Variants in ZFYVE28 observed in about 807,000 individuals in gnomAD.
ZFYVE28 encodes the protein lateral signaling target protein 2 homolog.
In ZFYVE28, 40 loss-of-function variants were observed where a neutral mutation model predicts 82.1. The ratio of observed to expected loss-of-function variants is 0.49; its 90% CI spans 0.38 to 0.63. The LOEUF (loss-of-function observed/expected upper bound fraction) is 0.63, where lower values mean the gene tolerates loss of function less well. Ranked by LOEUF, ZFYVE28 falls within the 30% of genes least tolerant of loss-of-function variation. The probability of loss-of-function intolerance (pLI) is 0.00; values close to 1 mark genes in which losing one functional copy is unlikely to be tolerated. For synonymous variants in ZFYVE28, 612 were observed against 546.1 expected (o/e 1.12, Z -1.68); for missense variants, 1,321 against 1,242.1 (o/e 1.06, Z -0.96).
rs141084761 is a variant in ZFYVE28, at chr4:2,383,194, C to T, written c.40-29121G>A. 2.8e-3 allele frequency among the ~76,000 whole-genome samples: 427 copies of T among 152,256 alleles called. 5 individuals carry two copies. The highest frequency in any genetic ancestry group is 9.7e-3 in the African/African-American group (403 of 41,532). On this transcript the variant is annotated intron_variant, in intron 1 of 12. Transcript: ENST00000290974. Reference sequence around the variant, plus strand: ...GAATTATAAGGTTTGGCTGTGTCTCCACCCAAATCTCATCTTGAATTGTAC... The same window carrying T: ...GAATTATAAGGTTTGGCTGTGTCTCTACCCAAATCTCATCTTGAATTGTAC...
intron 1 of ZFYVE28, among the ~76,000 whole-genome samples, chr4:2,389,203 G>A (rs905230602): frequency 6.6e-6 from 1 of 152,166 alleles, no homozygotes; most frequent in Admixed American, 6.5e-5. Context: ...CCCATGGCCA[G>A]TCAGGCCATC....
At chr4:2,337,293 G>A (rs1213476515) in intron 5 of ZFYVE28, 114 bp downstream of exon 5, 4 of 881,242 alleles carry the variant, frequency 4.5e-6, no homozygotes, top group Non-Finnish European at 6.8e-6. Context: ...CCTTCCATCT[G>A]GGGCACTCCC....
chr4:2,395,891 G>A (rs547808506), intron 1 of ZFYVE28, among the ~76,000 whole-genome samples: 4 of 152,288 alleles, frequency 2.6e-5, no homozygotes, highest in African/African-American at 4.8e-5. Flanking sequence ...GCGCCAGGGG[G>A]TTCCTTGTCA....
In ZFYVE28 at chr4:2,418,187, A is replaced by C. The variant is rs2108699695; in HGVS notation, c.39+98T>G. 2 of 1,199,982 alleles carry C rather than the reference A, an allele frequency of 1.7e-6. No individual in the cohort carries two copies. The highest frequency in any genetic ancestry group is 6.3e-5 in the East Asian group (2 of 31,588). The allele number at this position is 1,199,982 out of a possible 1,614,324, so 74.3% of individuals were successfully genotyped here. On this transcript the variant is annotated intron_variant, in intron 1 of 12. Coordinates refer to ENST00000290974, the MANE Select transcript of ZFYVE28 (RefSeq NM_020972.3). The surrounding 1 kb of genome is among the most constrained non-coding windows in gnomAD (Gnocchi z 4.6). ...CGGTGGGGGAAGAGGCCGGCCACGG[A>C]CAGGGAAAGGGAGTCCGTCTTGTAG...
intron 6 of ZFYVE28, chr4:2,324,927 C>A (rs1297834133): frequency 1.1e-5 from 2 of 188,358 alleles, no homozygotes; most frequent in Non-Finnish European, 1.1e-5. Flanking sequence ...TACCAACTTA[C>A]CAAGGCCATC....
intron 7 of ZFYVE28, among the ~76,000 whole-genome samples, chr4:2,312,875 T>C (rs1045777856): frequency 6.6e-6 from 1 of 151,850 alleles, no homozygotes; most frequent in Non-Finnish European, 1.5e-5. Flanking sequence ...TGAAACCCCG[T>C]TTCTACTAAA....
chr4:2,409,978 G>A lies in ZFYVE28; in HGVS notation c.39+8307C>T, dbSNP rs950619439. ...CAAAGCCCCCAAGTCAGCTGCCTACGCAGAAAGCCAAACTCAGGAACCATG... is the reference window on the plus strand; with the variant it reads ...CAAAGCCCCCAAGTCAGCTGCCTACACAGAAAGCCAAACTCAGGAACCATG... On this transcript the variant is annotated intron_variant, in intron 1 of 12. Transcript: ENST00000290974. The surrounding 1 kb of genome is among the most constrained non-coding windows in gnomAD (Gnocchi z 4.4). Among the ~76,000 whole-genome samples the A allele has an allele frequency of 3.3e-5, 5 of 152,220 alleles. No homozygotes were observed. The highest frequency in any genetic ancestry group is 2.1e-4 in the South Asian group (1 of 4,832).
Position 2,271,448 on chromosome 4 carries a change from G to A in ZFYVE28, c.2429-34C>T, listed in dbSNP as rs771394877. The A allele has an allele frequency of 1.4e-4, 225 of 1,600,756 alleles. 2 individuals are homozygous for A. In the South Asian group the frequency reaches 1.9e-3, roughly 14 times the overall value. ...ACAACAGCAGCGTCACATCAGCGACGGCAGGAGCAGGTGGGCTGGGCCGGG... is the reference window on the plus strand; with the variant it reads ...ACAACAGCAGCGTCACATCAGCGACAGCAGGAGCAGGTGGGCTGGGCCGGG... On this transcript the variant is annotated intron_variant, in intron 11 of 12. Coordinates refer to ENST00000290974, the MANE Select transcript of ZFYVE28 (RefSeq NM_020972.3).
rs1416950700 is a variant in ZFYVE28 at position 2,334,943 on chromosome 4, C to CA, written c.701+761dup. Among the ~76,000 whole-genome samples the CA allele has an allele frequency of 6.0e-5, 9 of 148,892 alleles. 1 individual carries two copies. In the South Asian group the frequency reaches 8.9e-4, roughly 15 times the overall value. ...CCCGTGACCATCCGCCTGGCAGGGG[C>CA]ATGGGGAATCCCCGTCTGGAGTCAG... On this transcript the variant is annotated intron_variant, in intron 6 of 12. Coordinates refer to ENST00000290974, the MANE Select transcript of ZFYVE28 (RefSeq NM_020972.3).
chr4:2,352,904 A>G (rs570553216), intron 2 of ZFYVE28, among the ~76,000 whole-genome samples: 1 of 152,276 alleles, frequency 6.6e-6, no homozygotes, highest in East Asian at 1.9e-4. Context: ...GCCACGGGGC[A>G]GGTCTAGCAC....
At chr4:2,402,351 C>T (rs1169516271) in intron 1 of ZFYVE28, among the ~76,000 whole-genome samples, 1 of 152,214 alleles carries the variant, frequency 6.6e-6, no homozygotes, top group Non-Finnish European at 1.5e-5. Flanking sequence ...CCATCAGACA[C>T]CATCTCCCGC....
intron 1 of ZFYVE28, among the ~76,000 whole-genome samples, chr4:2,385,414 G>A (rs1729151499): frequency 6.6e-6 from 1 of 151,890 alleles, no homozygotes; most frequent in Admixed American, 6.6e-5. Flanking sequence ...CGCTGAGAGA[G>A]CACCTGCTGC....
At chr4:2,350,289 C>T (rs1488608121) in intron 2 of ZFYVE28, among the ~76,000 whole-genome samples, 1 of 151,862 alleles carries the variant, frequency 6.6e-6, no homozygotes, top group Admixed American at 6.6e-5. Context: ...ATGGTGAAAC[C>T]CCATCTCTAC....
chr4:2,363,319 G>A (rs965409257), intron 1 of ZFYVE28, among the ~76,000 whole-genome samples: 1 of 152,128 alleles, frequency 6.6e-6, no homozygotes, highest in Non-Finnish European at 1.5e-5. Flanking sequence ...TGCTGAGGAC[G>A]CGGCATCCAG....
chr4:2,415,383 G>A (rs1287936859), intron 1 of ZFYVE28, among the ~76,000 whole-genome samples: 2 of 151,958 alleles, frequency 1.3e-5, no homozygotes, highest in Non-Finnish European at 2.9e-5. Flanking sequence ...TCGGGAGGCT[G>A]AGGCAGGAGG....
chr4:2,305,039 T>C lies in ZFYVE28; in HGVS notation c.1301A>G (p.Gln434Arg), dbSNP rs934792203. ...GCCTGGCCCACCCTGCCCTTTCTCC[T>C]GGGGGTCGGCCCAGGTACTGCCTGC... ...GWAGSTWADP[Q>R]EKGQGGPGGA... is the part of the protein sequence containing the mutation. Residue 434 changes from glutamine (Q) to arginine (R), a missense_variant, in exon 8 of 13, where the codon CAG (glutamine) becomes CGG (arginine). Coordinates refer to ENST00000290974, the MANE Select transcript of ZFYVE28 (RefSeq NM_020972.3). 6.2e-7 allele frequency: 1 copy of C among 1,612,564 alleles called. No homozygotes were observed. The highest frequency in any genetic ancestry group is 1.7e-5 in the Admixed American group (1 of 60,016).
At chr4:2,374,535 C>A (rs113162715) in intron 1 of ZFYVE28, among the ~76,000 whole-genome samples, 1,761 of 152,218 alleles carry the variant, frequency 0.012, 37 homozygotes, top group African/African-American at 0.04. Flanking sequence ...ATCACTTGAG[C>A]CCAGGCAGGT....
intron 7 of ZFYVE28, among the ~76,000 whole-genome samples, chr4:2,308,247 A>C (rs1221860567): frequency 1.3e-5 from 2 of 151,962 alleles, no homozygotes; most frequent in African/African-American, 4.8e-5. Context: ...AGCCTCCCAA[A>C]GTGTTGGGAT....
chr4:2,403,740 G>A (rs532521205), intron 1 of ZFYVE28, among the ~76,000 whole-genome samples: 22 of 152,160 alleles, frequency 1.4e-4, no homozygotes, highest in Middle Eastern at 3.4e-3. Flanking sequence ...CAAGGCAGGT[G>A]AATCACCTGA....
Sources: allele counts gnomAD v4.1 joint callset (sites outside exome capture counted in the v4.1 genomes callset), GRCh38; gene constraint gnomAD v4.1.1; non-coding constraint Gnocchi (gnomAD v3.1); transcripts MANE v1.5; gene names NCBI Gene and HGNC (gene_info 2026-07-23, HGNC 2026-07-21).